Variants in TMEFF2 observed in about 807,000 individuals in gnomAD.
TMEFF2 encodes transmembrane protein with EGF like and two follistatin like domains 2, also known as tomoregulin-2.
Under a neutral mutation model 53.8 loss-of-function variants are expected in TMEFF2, and 28 were observed. The ratio of observed to expected loss-of-function variants is 0.52; its 90% CI spans 0.39 to 0.71. TMEFF2 has a LOEUF of 0.71. Ranked by LOEUF, TMEFF2 falls within the 30% of genes least tolerant of loss-of-function variation. The pLI, the probability that TMEFF2 is intolerant of heterozygous loss-of-function variation, is 0.00. For missense variants in TMEFF2, 353 were observed against 455.2 expected (o/e 0.78, Z 2.04); for synonymous variants, 162 against 166.3 (o/e 0.97, Z 0.20).
chr2:192,182,871 G>T (rs1691219721), intron 3 of TMEFF2, among the ~76,000 whole-genome samples: 2 of 151,916 alleles, frequency 1.3e-5, no homozygotes, highest in Admixed American at 1.3e-4. Context: ...ATGGCTGACT[G>T]ATTCCTCATA....
At chr2:192,050,682 GT>G (rs376089577) in intron 5 of TMEFF2, among the ~76,000 whole-genome samples, 1 of 152,142 alleles carries the variant, frequency 6.6e-6, no homozygotes, top group African/African-American at 2.4e-5. Context: ...CCTGGGCATT[GT>G]TTAATGCCCT....
chr2:191,994,252 A>T (rs937204630), intron 7 of TMEFF2, among the ~76,000 whole-genome samples: 1 of 152,084 alleles, frequency 6.6e-6, no homozygotes, highest in East Asian at 1.9e-4. Flanking sequence ...AAAAATATGG[A>T]AGAAAAATAC....
chr2:192,094,085 C>A (rs1256781549), intron 4 of TMEFF2, among the ~76,000 whole-genome samples: 1 of 152,052 alleles, frequency 6.6e-6, no homozygotes, highest in Non-Finnish European at 1.5e-5. Flanking sequence ...AATGTGGTTA[C>A]TTTTGGATGT....
chr2:191,978,182 C>T (rs1230140486), intron 7 of TMEFF2, among the ~76,000 whole-genome samples: 1 of 152,072 alleles, frequency 6.6e-6, no homozygotes, highest in Non-Finnish European at 1.5e-5. Flanking sequence ...TGTATAGTTT[C>T]GGATGTAGCC....
At chr2:192,027,586 T>C (rs1574301489) in intron 5 of TMEFF2, among the ~76,000 whole-genome samples, 1 of 152,158 alleles carries the variant, frequency 6.6e-6, no homozygotes, top group Non-Finnish European at 1.5e-5. Context: ...CATGCCCTTG[T>C]GTAATGCCCT....
intron 7 of TMEFF2, among the ~76,000 whole-genome samples, chr2:191,995,699 G>T (rs888788199): frequency 1.3e-5 from 2 of 151,936 alleles, no homozygotes; most frequent in African/African-American, 4.8e-5. Flanking sequence ...TCTAAAGAGG[G>T]TGTATATTGT....
chr2:192,056,781 C>G (rs1030241489), intron 5 of TMEFF2, among the ~76,000 whole-genome samples: 6 of 152,018 alleles, frequency 3.9e-5, no homozygotes, highest in African/African-American at 1.4e-4. Flanking sequence ...GGGGTGAAGC[C>G]TTCATGAATG....
chr2:192,139,265 A>G (rs1206247545), intron 4 of TMEFF2, among the ~76,000 whole-genome samples: 1 of 152,232 alleles, frequency 6.6e-6, no homozygotes, highest in Non-Finnish European at 1.5e-5. Context: ...GGAGTAAATG[A>G]GACTTTAAAA....
intron 4 of TMEFF2, among the ~76,000 whole-genome samples, chr2:192,076,247 T>C (rs1414509064): frequency 6.6e-6 from 1 of 152,138 alleles, no homozygotes. Flanking sequence ...TCTGTTATAT[T>C]TGAGAAACTC....
At chr2:191,983,651 G>A (rs1443518647) in intron 7 of TMEFF2, among the ~76,000 whole-genome samples, 2 of 152,164 alleles carry the variant, frequency 1.3e-5, no homozygotes, top group Non-Finnish European at 2.9e-5. Context: ...CAGCTCTGAA[G>A]TACAGAGCCC....
chr2:192,019,055 G>A (rs1016141291), intron 5 of TMEFF2, among the ~76,000 whole-genome samples: 5 of 151,892 alleles, frequency 3.3e-5, no homozygotes, highest in Admixed American at 6.6e-5. Flanking sequence ...TTTACATTTT[G>A]TACATATCTA....
intron 5 of TMEFF2, among the ~76,000 whole-genome samples, chr2:192,011,192 T>C (rs1686616858): frequency 6.6e-6 from 1 of 152,160 alleles, no homozygotes; most frequent in Admixed American, 6.5e-5. Context: ...TCCCCAATGA[T>C]AAAGAGCATA....
chr2:192,158,021 A>T (rs1391044430), intron 4 of TMEFF2, among the ~76,000 whole-genome samples: 1 of 152,090 alleles, frequency 6.6e-6, no homozygotes, highest in East Asian at 1.9e-4. Context: ...TAGAGGCAGG[A>T]TCCACGCCAA....
chr2:191,971,811 A>G (rs1258330869), intron 7 of TMEFF2, among the ~76,000 whole-genome samples: 1 of 152,208 alleles, frequency 6.6e-6, no homozygotes, highest in African/African-American at 2.4e-5. Context: ...GGCAATAGAT[A>G]AAAACAAAAA....
intron 5 of TMEFF2, among the ~76,000 whole-genome samples, chr2:192,056,117 T>C (rs535470381): frequency 1.3e-5 from 2 of 152,324 alleles, no homozygotes; most frequent in Admixed American, 1.3e-4. Flanking sequence ...TAATTTTTTT[T>C]CTTCATTTTC....
chr2:191,956,113 C>A (rs1008105893), intron 8 of TMEFF2, 142 bp downstream of exon 8: 2 of 721,248 alleles, frequency 2.8e-6, no homozygotes, highest in East Asian at 5.9e-5. Flanking sequence ...TGTGTGTATG[C>A]ATGCACAGGA....
intron 4 of TMEFF2, among the ~76,000 whole-genome samples, chr2:192,095,761 C>G (rs1302493778): frequency 6.6e-6 from 1 of 152,140 alleles, no homozygotes; most frequent in Non-Finnish European, 1.5e-5. Flanking sequence ...TTTCTGCACT[C>G]TGGGAGCGCA....
At chr2:192,145,152 A>T (rs184983084) in intron 4 of TMEFF2, among the ~76,000 whole-genome samples, 127 of 152,134 alleles carry the variant, frequency 8.3e-4, no homozygotes, top group African/African-American at 2.7e-3. Flanking sequence ...ACAATATCTT[A>T]CATTATTAAT....
chr2:192,037,643 A>G lies in TMEFF2; in HGVS notation c.536+20036T>C, dbSNP rs13410965. On this transcript the variant is annotated intron_variant, in intron 5 of 9. Coordinates refer to ENST00000272771, the MANE Select transcript of TMEFF2 (RefSeq NM_016192.4). ...GAGAGAGAGGAGAGAAAGAGAGAGA[A>G]AGAGAGAGAGAGAGAGAGAGAGAGA... Among the ~76,000 whole-genome samples, 1,002 of 143,258 alleles carry G rather than the reference A, an allele frequency of 7.0e-3. 21 individuals carry two copies. Among genetic ancestry groups the G allele is most frequent in the African/African-American group, 0.024 (912 of 37,488 alleles). 94.0% of individuals were successfully genotyped at this position (143,258 alleles called of 152,430 possible).
Sources: allele counts gnomAD v4.1 joint callset (sites outside exome capture counted in the v4.1 genomes callset), GRCh38; gene constraint gnomAD v4.1.1; transcripts MANE v1.5; gene names NCBI Gene and HGNC (gene_info 2026-07-23, HGNC 2026-07-21).